PTPRN2: variants seen among roughly 807,000 people sequenced by gnomAD.
The protein encoded by PTPRN2 is receptor-type tyrosine-protein phosphatase N2.
Under a neutral mutation model 118.8 loss-of-function variants are expected in PTPRN2, and 74 were observed. The ratio of observed to expected loss-of-function variants is 0.62; its 90% CI spans 0.52 to 0.76. PTPRN2 has a LOEUF of 0.76. Among genes scored for constraint, PTPRN2 ranks in the 30% least tolerant of loss-of-function variants. The pLI is 0.00. For synonymous variants in PTPRN2, 641 were observed against 608.0 expected, an observed-to-expected ratio of 1.05 and a Z score of -0.80; for missense variants, 1,481 against 1,394.4, an observed-to-expected ratio of 1.06 and a Z score of -0.99.
At chr7:157,595,539 G>GCCAGGAGGTTAGGAAA (rs1801264244) in intron 16 of PTPRN2, among the ~76,000 whole-genome samples, 3 of 109,316 alleles carry the variant, frequency 2.7e-5, no homozygotes, top group African/African-American at 1.4e-4. Flanking sequence ...AGGTTAGGAA[G>GCCAGGAGGTTAGGAAA]CCAGGAGGTT....
chr7:157,944,515 G>A lies in PTPRN2; in HGVS notation c.1724-45778C>T, dbSNP rs1222214464. Among the ~76,000 whole-genome samples the A allele has an allele frequency of 6.6e-6, 1 of 152,224 alleles. No homozygotes were observed. Among genetic ancestry groups the A allele is most frequent in the African/African-American group, 2.4e-5 (1 of 41,466 alleles). On this transcript the variant is annotated intron_variant, in intron 11 of 22. Transcript: ENST00000389418. The surrounding 1 kb of genome is among the most constrained non-coding windows in gnomAD (Gnocchi z 4.3). ...TTTTTAAAAAAGTTTCATGGAAAAA[G>A]CTTCCTGCAAGCATCCGCACTGCTG...
intron 2 of PTPRN2, among the ~76,000 whole-genome samples, chr7:158,379,942 A>G (rs1280994423): frequency 6.6e-6 from 1 of 152,182 alleles, no homozygotes; most frequent in Admixed American, 6.5e-5. Flanking sequence ...GAGAGCTTGT[A>G]TGGGGAAACT....
rs35149041 is a variant in PTPRN2, at chr7:158,534,174, G to A, written c.113-44389C>T. Among the ~76,000 whole-genome samples the A allele has an allele frequency of 1.2e-4, 10 of 84,284 alleles. 1 individual carries two copies. The highest frequency in any genetic ancestry group is 2.2e-4 in the African/African-American group (5 of 22,708). 55.3% of individuals were successfully genotyped at this position (84,284 alleles called of 152,430 possible). On this transcript the variant is annotated intron_variant, in intron 1 of 22. Coordinates refer to ENST00000389418, the MANE Select transcript of PTPRN2 (RefSeq NM_002847.5). ...TGTGACCACCCACACCCCGGGCTCC[G>A]TCAGGGATGGCTGTGGGTGCAGGTT...
At chr7:158,034,260 A>G (rs181960847) in intron 11 of PTPRN2, among the ~76,000 whole-genome samples, 49 of 146,876 alleles carry the variant, frequency 3.3e-4, no homozygotes, top group African/African-American at 1.3e-3. Context: ...CCGGGCAAGC[A>G]TCCCTGGTCA....
chr7:157,834,316 T>C (rs1179835954), intron 12 of PTPRN2, among the ~76,000 whole-genome samples: 1 of 140,204 alleles, frequency 7.1e-6, no homozygotes, highest in Non-Finnish European at 1.5e-5. Context: ...CACCCACCAG[T>C]GAGCCAGCAG....
intron 12 of PTPRN2, among the ~76,000 whole-genome samples, chr7:157,766,167 TC>T (rs1802468754): frequency 7.5e-6 from 1 of 132,972 alleles, no homozygotes; most frequent in Non-Finnish European, 1.6e-5. Context: ...CCATCCACCA[TC>T]CCCCATCTGT....
At chr7:158,518,674 C>T (rs1823748647) in intron 1 of PTPRN2, among the ~76,000 whole-genome samples, 1 of 152,156 alleles carries the variant, frequency 6.6e-6, no homozygotes, top group South Asian at 2.1e-4. Context: ...AAGGGTCAAA[C>T]ATTCGAGCTG....
At chr7:158,211,155 C>G (rs1237040861) in intron 3 of PTPRN2, among the ~76,000 whole-genome samples, 1 of 152,104 alleles carries the variant, frequency 6.6e-6, no homozygotes, top group Non-Finnish European at 1.5e-5. Flanking sequence ...CTATCTCTTC[C>G]TATACAAAAA....
chr7:158,316,864 C>T lies in PTPRN2; in HGVS notation c.232G>A (p.Ala78Thr). The T allele has an allele frequency of 6.2e-7, 1 of 1,611,462 alleles. No homozygotes were observed. The highest frequency in any genetic ancestry group is 1.6e-4 in the Middle Eastern group (1 of 6,062). Residue 78 changes from alanine to threonine, a missense_variant, in exon 3 of 23, where the codon GCC becomes ACC. Ala to Thr is a moderately conservative substitution (Grantham distance 58). Coordinates refer to ENST00000389418, the MANE Select transcript of PTPRN2 (RefSeq NM_002847.5). ...DFYRYEVSPV[A>T]LQRLRVALQK... is the part of the protein sequence containing the mutation. ...AACGCCACGCGCAGGCGCTGCAGGG[C>T]CACGGGCGACACCTCGTAGCGGTAA...
At chr7:158,321,262 T>C (rs551944181) in intron 2 of PTPRN2, among the ~76,000 whole-genome samples, 1 of 152,256 alleles carries the variant, frequency 6.6e-6, no homozygotes, top group East Asian at 1.9e-4. Flanking sequence ...CCGCCGACCA[T>C]TTAATCACCC....
At chr7:158,286,565 G>A (rs575436811) in intron 3 of PTPRN2, among the ~76,000 whole-genome samples, 29 of 152,286 alleles carry the variant, frequency 1.9e-4, no homozygotes, top group Admixed American at 1.4e-3. Context: ...TTTATTATGA[G>A]AGGATGTTGT....
rs764227917 is a variant in PTPRN2 at position 158,138,275 on chromosome 7, C to T, written c.1132+19G>A. On this transcript the variant is annotated intron_variant, in intron 7 of 22. Coordinates refer to ENST00000389418, the MANE Select transcript of PTPRN2 (RefSeq NM_002847.5). ...CCCGCAGCACCCCTGGGTGTGGGCACCCATGGCGCTGCAGTCACCTGGAAA... is the reference window on the plus strand; with the variant it reads ...CCCGCAGCACCCCTGGGTGTGGGCATCCATGGCGCTGCAGTCACCTGGAAA... 6.2e-7 allele frequency: 1 copy of T among 1,609,554 alleles called. No individual in the cohort carries two copies.
chr7:158,074,626 G>A (rs557850892), intron 11 of PTPRN2, among the ~76,000 whole-genome samples: 4 of 152,240 alleles, frequency 2.6e-5, no homozygotes, highest in South Asian at 2.1e-4. Context: ...CGTGGCTCCC[G>A]AGGTGGAGGG....
chr7:158,407,669 C>G (rs368919406), intron 2 of PTPRN2, among the ~76,000 whole-genome samples: 9 of 98,422 alleles, frequency 9.1e-5, no homozygotes, highest in East Asian at 3.5e-4. Flanking sequence ...CTGCGTCCTG[C>G]GTCCTGGGTC....
chr7:158,319,399 CA>C (rs1802625884), intron 2 of PTPRN2, among the ~76,000 whole-genome samples: 1 of 5,920 alleles, frequency 1.7e-4, no homozygotes, highest in Non-Finnish European at 9.0e-4. Context: ...CACAGCCTCC[CA>C]CACACACACA....
Position 157,550,661 on chromosome 7 carries a change from G to A in PTPRN2, c.2903-1642C>T, listed in dbSNP as rs1055776598. On this transcript the variant is annotated intron_variant, in intron 21 of 22. Coordinates refer to ENST00000389418, the MANE Select transcript of PTPRN2 (RefSeq NM_002847.5). The surrounding 1 kb of genome is among the most constrained non-coding windows in gnomAD (Gnocchi z 5.2). ...CCGTCCCTCCAGCTCCCATCCCCTG[G>A]TTAAAGGACCCCATTCTCCTGGGCA... Among the ~76,000 whole-genome samples, 1 of 152,212 alleles carries A rather than the reference G, an allele frequency of 6.6e-6. No homozygotes were observed. The highest frequency in any genetic ancestry group is 2.4e-5 in the African/African-American group (1 of 41,464).
At chr7:157,907,136 C>A (rs1420874070) in intron 11 of PTPRN2, among the ~76,000 whole-genome samples, 1 of 152,240 alleles carries the variant, frequency 6.6e-6, no homozygotes, top group Non-Finnish European at 1.5e-5. Context: ...AAGCATAAAA[C>A]CACCTTCAAG....
At chr7:157,885,437 G>A (rs927215045) in intron 12 of PTPRN2, among the ~76,000 whole-genome samples, 5 of 152,208 alleles carry the variant, frequency 3.3e-5, no homozygotes, top group Non-Finnish European at 7.3e-5. Flanking sequence ...AGGCACCTGA[G>A]CAGAAGGGCA....
At chr7:158,072,544 T>C (rs1470846388) in intron 11 of PTPRN2, among the ~76,000 whole-genome samples, 4 of 152,186 alleles carry the variant, frequency 2.6e-5, no homozygotes, top group Non-Finnish European at 5.9e-5. Flanking sequence ...AATAGCCTCA[T>C]GCTGGTCCCA....
Sources: allele counts gnomAD v4.1 joint callset (sites outside exome capture counted in the v4.1 genomes callset), GRCh38; gene constraint gnomAD v4.1.1; non-coding constraint Gnocchi (gnomAD v3.1); transcripts MANE v1.5; gene names NCBI Gene and HGNC (gene_info 2026-07-23, HGNC 2026-07-21).